Variants in LAMA2 observed in about 807,000 individuals in gnomAD.
The protein encoded by LAMA2 is laminin subunit alpha-2.
LAMA2 carries 269 observed loss-of-function variants against 364.8 expected under a neutral mutation model. That is an observed-to-expected ratio of 0.74 (90% CI 0.67 to 0.82). The LOEUF is 0.82. LAMA2 is among the 40% of genes least tolerant of loss of function. LAMA2 has a pLI of 0.00. For missense variants in LAMA2, 3,807 were observed against 3,873.2 expected (o/e 0.98, Z 0.45); for synonymous variants, 1,379 against 1,370.6 (o/e 1.01, Z -0.14).
chr6:129,159,128 T>C, intron 8 of LAMA2: 4 of 1,564,004 alleles, frequency 2.6e-6, no homozygotes, highest in Non-Finnish European at 3.5e-6. Flanking sequence ...CATTGTTCAA[T>C]TGTAATGTTT....
At chr6:129,282,639 C>T (rs1258466384) in intron 18 of LAMA2, among the ~76,000 whole-genome samples, 1 of 152,060 alleles carries the variant, frequency 6.6e-6, no homozygotes, top group African/African-American at 2.4e-5. Context: ...CTGACCTATC[C>T]CTTTTTCTCC....
chr6:128,897,254 A>C (rs1013209567), intron 1 of LAMA2, among the ~76,000 whole-genome samples: 1 of 152,218 alleles, frequency 6.6e-6, no homozygotes, highest in Non-Finnish European at 1.5e-5. Context: ...TTTCCTATGA[A>C]AAGATTAACA....
intron 51 of LAMA2, among the ~76,000 whole-genome samples, chr6:129,467,538 C>A (rs138285733): frequency 6.6e-6 from 1 of 151,816 alleles, no homozygotes; most frequent in Admixed American, 6.6e-5. Flanking sequence ...AAAATAAAGA[C>A]ATTCGGAACA....
At chr6:128,924,675 C>T (rs994172600) in intron 1 of LAMA2, among the ~76,000 whole-genome samples, 7 of 152,136 alleles carry the variant, frequency 4.6e-5, no homozygotes, top group African/African-American at 1.4e-4. Context: ...GGGTGCCCCC[C>T]GTCTTCCCTG....
chr6:129,066,255 C>T (rs532725386), intron 3 of LAMA2, among the ~76,000 whole-genome samples: 33 of 150,554 alleles, frequency 2.2e-4, no homozygotes, highest in Admixed American at 4.6e-4. Context: ...CCGTTTTAGC[C>T]GGGATGGTCT....
Position 129,403,843 on chromosome 6 carries a change from A to T in LAMA2, c.5749A>T (p.Ile1917Phe), listed in dbSNP as rs727503993. The T allele has an allele frequency of 6.2e-6, 10 of 1,613,628 alleles. No homozygotes were observed. The highest frequency in any genetic ancestry group is 2.2e-5 in the East Asian group (1 of 44,866). ...CAGAATCCTTGATGAGGCTAAAAACATCTCCTTCAATGCCACTGCAGCCTT... is the reference window on the plus strand; with the variant it reads ...CAGAATCCTTGATGAGGCTAAAAACTTCTCCTTCAATGCCACTGCAGCCTT... ...LDGILDEAKN[I>F]SFNATAAFKA... The change falls in exon 40 of 65, where the codon ATC becomes TTC. Residue 1917 changes from isoleucine (I) to phenylalanine (F), a missense_variant. By Grantham distance (21) the Ile-to-Phe change is conservative. Coordinates refer to ENST00000421865, the MANE Select transcript of LAMA2 (RefSeq NM_000426.4).
chr6:129,054,299 AC>A (rs1988477650), intron 2 of LAMA2, among the ~76,000 whole-genome samples: 1 of 152,256 alleles, frequency 6.6e-6, no homozygotes, highest in Admixed American at 6.5e-5. Flanking sequence ...TTGGAGCATT[AC>A]AGGGAAAGTA....
At chr6:129,350,633 C>T (rs1776806434) in intron 31 of LAMA2, among the ~76,000 whole-genome samples, 1 of 152,176 alleles carries the variant, frequency 6.6e-6, no homozygotes, top group Non-Finnish European at 1.5e-5. Context: ...TTTTCTTTTC[C>T]ATGTCCTGCT....
At chr6:129,317,088 C>G (rs980285049) in intron 27 of LAMA2, among the ~76,000 whole-genome samples, 3 of 152,114 alleles carry the variant, frequency 2.0e-5, no homozygotes, top group Non-Finnish European at 2.9e-5. Context: ...CAGGAGACTT[C>G]CACATCATGG....
intron 1 of LAMA2, among the ~76,000 whole-genome samples, chr6:128,890,324 T>C (rs1776376719): frequency 1.3e-5 from 2 of 152,166 alleles, no homozygotes; most frequent in Admixed American, 1.3e-4. Context: ...CAATGCTTAT[T>C]TTAGAATTAG....
At position 129,236,227 on chromosome 6, in the gene LAMA2, T is replaced by C. The variant is rs116790221; in HGVS notation, c.1783-13885T>C. Among the ~76,000 whole-genome samples, 383 of 152,298 alleles carry C rather than the reference T, an allele frequency of 2.5e-3. 2 individuals carry two copies. Among genetic ancestry groups the C allele is most frequent in the African/African-American group, 8.7e-3 (360 of 41,570 alleles). ...TGCACAGTAGAGACGATGCTGTTAA[T>C]GTTCACCGAGGTAAATAATTTGTCC... On this transcript the variant is annotated intron_variant, in intron 12 of 64. Transcript: ENST00000421865.
At chr6:129,161,835 T>C (rs535248203) in intron 8 of LAMA2, among the ~76,000 whole-genome samples, 7 of 152,316 alleles carry the variant, frequency 4.6e-5, no homozygotes, top group Non-Finnish European at 4.4e-5. Context: ...CATGATTTTA[T>C]TCTTTTTTAT....
chr6:129,114,986 C>A (rs948796108), intron 4 of LAMA2, among the ~76,000 whole-genome samples: 4 of 151,958 alleles, frequency 2.6e-5, no homozygotes, highest in African/African-American at 9.7e-5. Flanking sequence ...AACAAAATAA[C>A]CTATTATTCT....
intron 29 of LAMA2, among the ~76,000 whole-genome samples, chr6:129,330,599 T>G (rs1775581791): frequency 1.7e-5 from 1 of 58,298 alleles, no homozygotes; most frequent in Non-Finnish European, 3.0e-5. Flanking sequence ...TTGGTTTTTG[T>G]TTTTTTTTTT....
intron 1 of LAMA2, among the ~76,000 whole-genome samples, chr6:129,025,029 G>A (rs916978305): frequency 6.6e-6 from 1 of 152,092 alleles, no homozygotes; most frequent in South Asian, 2.1e-4. Flanking sequence ...TTAACTTAGA[G>A]CTAAATAGTT....
At chr6:129,226,314 A>G (rs265340) in intron 12 of LAMA2, among the ~76,000 whole-genome samples, 151,514 of 152,232 alleles carry the variant, frequency 1, 75,402 homozygotes, top group Middle Eastern at 1. Flanking sequence ...TCTTTTAATT[A>G]GAGCATTTAG....
intron 12 of LAMA2, among the ~76,000 whole-genome samples, chr6:129,247,039 A>G (rs1485863911): frequency 6.6e-6 from 1 of 152,180 alleles, no homozygotes; most frequent in African/African-American, 2.4e-5. Context: ...CAGCTTATGG[A>G]AAGATTGTGG....
rs1000873184 is a variant in LAMA2 at position 128,883,808 on chromosome 6, A to T, written c.112+451A>T. The stretch of plus-strand genomic sequence containing the variant: ...AAATTATATATATATATATACACAC[A>T]CACACACACACACACACACACACAC... On this transcript the variant is annotated intron_variant, in intron 1 of 64. Coordinates refer to ENST00000421865, the MANE Select transcript of LAMA2 (RefSeq NM_000426.4). Among the ~76,000 whole-genome samples, 5 of 110,996 alleles carry T rather than the reference A, an allele frequency of 4.5e-5. No individual in the cohort carries two copies. The East Asian group carries it at 1.0e-3, about 23-fold the overall frequency. 72.8% of individuals were successfully genotyped at this position (110,996 alleles called of 152,430 possible).
At chr6:129,378,784 C>T (rs562363839) in intron 34 of LAMA2, among the ~76,000 whole-genome samples, 1 of 152,300 alleles carries the variant, frequency 6.6e-6, no homozygotes, top group East Asian at 1.9e-4. Context: ...AGATAAGTTA[C>T]TTAACCTCCT....
Sources: allele counts gnomAD v4.1 joint callset (sites outside exome capture counted in the v4.1 genomes callset), GRCh38; gene constraint gnomAD v4.1.1; transcripts MANE v1.5; gene names NCBI Gene and HGNC (gene_info 2026-07-23, HGNC 2026-07-21).